Variants in MCC observed in about 807,000 individuals in gnomAD.
The protein encoded by MCC is colorectal mutant cancer protein.
MCC carries 90 observed loss-of-function variants against 116.2 expected under a neutral mutation model. That is an observed-to-expected ratio of 0.77 (90% CI 0.65 to 0.92). The LOEUF (loss-of-function observed/expected upper bound fraction) is 0.92, where lower values mean the gene tolerates loss of function less well. MCC is among the 40% of genes least tolerant of loss of function. The probability of loss-of-function intolerance (pLI) is 0.00; values close to 1 mark genes in which losing one functional copy is unlikely to be tolerated. For synonymous variants in MCC, 578 were observed against 510.5 expected (o/e 1.13, Z -1.78); for missense variants, 1,516 against 1,312.2 (o/e 1.16, Z -2.40).
At chr5:113,063,662 T>C (rs920814334) in intron 14 of MCC, among the ~76,000 whole-genome samples, 4 of 152,202 alleles carry the variant, frequency 2.6e-5, no homozygotes, top group African/African-American at 9.7e-5. Context: ...TGAAGACTTA[T>C]AAAGAAATGG....
chr5:113,463,565 C>T (rs1358131412), intron 1 of MCC, among the ~76,000 whole-genome samples: 1 of 152,182 alleles, frequency 6.6e-6, no homozygotes, highest in African/African-American at 2.4e-5. Flanking sequence ...AGTGGGTGTA[C>T]ATGGTCACAT....
intron 14 of MCC, among the ~76,000 whole-genome samples, chr5:113,059,368 T>C (rs1017882028): frequency 6.6e-6 from 1 of 152,192 alleles, no homozygotes; most frequent in Non-Finnish European, 1.5e-5. Context: ...AATATGATTA[T>C]GACAATGGTA....
At chr5:113,046,153 G>GT (rs1752054676) in intron 16 of MCC, among the ~76,000 whole-genome samples, 1 of 150,590 alleles carries the variant, frequency 6.6e-6, no homozygotes. Flanking sequence ...TTACTGTAGT[G>GT]TTAAAAAAAA....
intron 16 of MCC, among the ~76,000 whole-genome samples, chr5:113,047,260 AT>A (rs1182977922): frequency 2.0e-5 from 3 of 152,192 alleles, no homozygotes; most frequent in Non-Finnish European, 4.4e-5. Context: ...AAGAATGTAA[AT>A]TCCTAGAGGA....
intron 6 of MCC, among the ~76,000 whole-genome samples, chr5:113,107,095 G>A (rs1450584708): frequency 1.3e-5 from 2 of 151,980 alleles, no homozygotes; most frequent in African/African-American, 4.8e-5. Context: ...CTCCAACAGA[G>A]AATAGGGTAG....
rs983675894 is a variant in MCC, at chr5:113,488,344, C to T, written c.71G>A (p.Ser24Asn). Reference sequence around the variant, plus strand: ...GGACGTGTCGCTGCTGCTGCTGCTGCTGCCGCTGCCGCCGCCGCCGCCGCC... The same window carrying T: ...GGACGTGTCGCTGCTGCTGCTGCTGTTGCCGCTGCCGCCGCCGCCGCCGCC... ...SSGGGGGGSG[S>N]SSSSSDTSST... The change falls in exon 1 of 19, where the codon AGC becomes AAC. Residue 24 changes from serine (S) to asparagine (N), a missense_variant. Coordinates refer to ENST00000408903, the MANE Select transcript of MCC (RefSeq NM_001085377.2). 8 of 1,515,712 alleles carry T rather than the reference C, an allele frequency of 5.3e-6. No homozygotes were observed. The highest frequency in any genetic ancestry group is 6.2e-6 in the Non-Finnish European group (7 of 1,137,544). 93.9% of individuals were successfully genotyped at this position (1,515,712 alleles called of 1,614,324 possible).
intron 5 of MCC, among the ~76,000 whole-genome samples, chr5:113,135,674 G>A (rs1350825700): frequency 6.6e-6 from 1 of 151,834 alleles, no homozygotes; most frequent in Non-Finnish European, 1.5e-5. Flanking sequence ...ATATATAAAT[G>A]CTATTAAAAC....
At chr5:113,382,662 A>C (rs1769153184) in intron 2 of MCC, among the ~76,000 whole-genome samples, 1 of 152,204 alleles carries the variant, frequency 6.6e-6, no homozygotes, top group Non-Finnish European at 1.5e-5. Context: ...TAAGAATATT[A>C]GTTTAACACG....
At chr5:113,072,270 T>G (rs935685539) in intron 11 of MCC, among the ~76,000 whole-genome samples, 1 of 152,198 alleles carries the variant, frequency 6.6e-6, no homozygotes, top group African/African-American at 2.4e-5. Flanking sequence ...ATGGAGACAC[T>G]TGCCAACATG....
chr5:113,100,464 C>CTTTTTTTTTT (rs10649958), intron 8 of MCC, among the ~76,000 whole-genome samples: 5 of 78,846 alleles, frequency 6.3e-5, no homozygotes, highest in African/African-American at 9.3e-5. Flanking sequence ...GTATTTTTCC[C>CTTTTTTTTTT]TTTTTTTTTT....
intron 17 of MCC, among the ~76,000 whole-genome samples, chr5:113,038,852 T>G (rs1276168717): frequency 6.6e-6 from 1 of 152,156 alleles, no homozygotes; most frequent in African/African-American, 2.4e-5. Context: ...GGGCATCCTG[T>G]CCCTGGACAG....
At chr5:113,054,176 C>A (rs2150223433) in intron 14 of MCC, among the ~76,000 whole-genome samples, 1 of 152,316 alleles carries the variant, frequency 6.6e-6, no homozygotes, top group South Asian at 2.1e-4. Context: ...CTTGACGCAA[C>A]ACTGTGGACT....
rs139126274 is a variant in MCC, at chr5:113,360,447, A to G, written c.416-19717T>C. 9.2e-5 allele frequency among the ~76,000 whole-genome samples: 14 copies of G among 152,266 alleles called. 1 individual carries two copies. In the East Asian group the frequency reaches 2.7e-3, roughly 29 times the overall value. On this transcript the variant is annotated intron_variant, in intron 2 of 18. Transcript: ENST00000408903. ...CTCTTTTCCAAAGTAAAATTAGCCC[A>G]TAATTTTTATTCCTAACATTGTCCT...
Position 113,227,835 on chromosome 5 carries a change from C to G in MCC, c.628-76413G>C. ...ACAAGATCTATCATTTTCCATTATT[C>G]CGCATTTTTTAGACCTGCCATGGAA... On this transcript the variant is annotated intron_variant, in intron 3 of 18. Coordinates refer to ENST00000408903, the MANE Select transcript of MCC (RefSeq NM_001085377.2). Among the ~76,000 whole-genome samples the G allele has an allele frequency of 1.3e-5, 2 of 152,138 alleles. 1 individual carries two copies. The highest frequency in any genetic ancestry group is 4.8e-5 in the African/African-American group (2 of 41,436).
At chr5:113,041,185 G>T (rs1048126934) in intron 17 of MCC, among the ~76,000 whole-genome samples, 1 of 152,174 alleles carries the variant, frequency 6.6e-6, no homozygotes, top group African/African-American at 2.4e-5. Flanking sequence ...AAATCAGGAA[G>T]GTAGTGAAGT....
At chr5:113,343,434 C>A (rs1017195427) in intron 2 of MCC, among the ~76,000 whole-genome samples, 3 of 152,240 alleles carry the variant, frequency 2.0e-5, no homozygotes, top group African/African-American at 7.2e-5. Flanking sequence ...TGCTCTCCCT[C>A]CCCTTGTTCC....
chr5:113,304,696 A>G (rs545836618), intron 3 of MCC, among the ~76,000 whole-genome samples: 1 of 152,230 alleles, frequency 6.6e-6, no homozygotes, highest in East Asian at 1.9e-4. Flanking sequence ...ATTTCTTTAA[A>G]CTATATCACA....
chr5:113,276,170 C>T (rs1468796421), intron 3 of MCC, among the ~76,000 whole-genome samples: 2 of 152,184 alleles, frequency 1.3e-5, no homozygotes, highest in Admixed American at 6.5e-5. Context: ...TTGCCCCACA[C>T]GCCTCCCCTG....
Position 113,065,277 on chromosome 5 carries a change from C to T in MCC, c.2030-1110G>A, listed in dbSNP as rs114684752. ...GGGGGACGCTGAAAACGGGGGAGGCCGTGCATGTTGAGGGTTGGAGGCATA... is the reference window on the plus strand; with the variant it reads ...GGGGGACGCTGAAAACGGGGGAGGCTGTGCATGTTGAGGGTTGGAGGCATA... On this transcript the variant is annotated intron_variant, in intron 13 of 18. Transcript: ENST00000408903. Among the ~76,000 whole-genome samples the T allele has an allele frequency of 3.4e-3, 515 of 152,142 alleles. 3 individuals carry two copies. Among genetic ancestry groups the T allele is most frequent in the African/African-American group, 0.012 (494 of 41,470 alleles).
Sources: allele counts gnomAD v4.1 joint callset (sites outside exome capture counted in the v4.1 genomes callset), GRCh38; gene constraint gnomAD v4.1.1; transcripts MANE v1.5; gene names NCBI Gene and HGNC (gene_info 2026-07-23, HGNC 2026-07-21).